The following KLHDC1 variants were observed in gnomAD, a reference collection of about 807,000 sequenced individuals.
The protein encoded by KLHDC1 is kelch domain containing 1.
A neutral mutation model predicts 68.3 loss-of-function variants in KLHDC1; 53 were observed. That is an observed-to-expected ratio of 0.78 (90% CI 0.62 to 0.98). The LOEUF (loss-of-function observed/expected upper bound fraction) is 0.98, where lower values mean the gene tolerates loss of function less well. KLHDC1 is among the 50% of genes least tolerant of loss of function. KLHDC1 has a pLI of 0.00. For missense variants in KLHDC1, 470 were observed against 492.3 expected (o/e 0.95, Z 0.43); for synonymous variants, 148 against 159.0 (o/e 0.93, Z 0.52).
chr14:49,696,246 A>G (rs892702045), intron 1 of KLHDC1, among the ~76,000 whole-genome samples: 1 of 148,724 alleles, frequency 6.7e-6, no homozygotes, highest in African/African-American at 2.5e-5. Flanking sequence ...GTCTTAGCTC[A>G]CTGCAACCTC....
chr14:49,709,134 A>T (rs759830781), intron 1 of KLHDC1, 25 bp from the exon 2 acceptor site: 1 of 988,784 alleles, frequency 1.0e-6, no homozygotes, highest in East Asian at 2.6e-5. Context: ...TGATAAACAT[A>T]ATTTTATGTA....
intron 10 of KLHDC1, among the ~76,000 whole-genome samples, chr14:49,737,990 A>G (rs1303689298): frequency 1.3e-5 from 2 of 152,076 alleles, no homozygotes; most frequent in Non-Finnish European, 2.9e-5. Flanking sequence ...TTACTCTGGA[A>G]ATATTCAACT....
chr14:49,700,202 T>G (rs557116830), intron 1 of KLHDC1: 222 of 199,204 alleles, frequency 1.1e-3, no homozygotes, highest in Non-Finnish European at 1.9e-3. Flanking sequence ...AATTACTGTA[T>G]TTTTAGTAGA....
intron 1 of KLHDC1, among the ~76,000 whole-genome samples, chr14:49,704,243 A>T (rs1439332016): frequency 6.6e-6 from 1 of 152,098 alleles, no homozygotes; most frequent in Non-Finnish European, 1.5e-5. Context: ...CTTTTGTAAA[A>T]ATGCTGGCTC....
At chr14:49,736,179 T>A (rs1397970587) in intron 10 of KLHDC1, among the ~76,000 whole-genome samples, 2 of 152,210 alleles carry the variant, frequency 1.3e-5, no homozygotes, top group Non-Finnish European at 2.9e-5. Context: ...TATTTTATAT[T>A]TCAACCCTTA....
intron 1 of KLHDC1, among the ~76,000 whole-genome samples, chr14:49,703,344 A>ATTT (rs201926678): frequency 4.2e-5 from 6 of 141,894 alleles, no homozygotes; most frequent in African/African-American, 1.5e-4. Flanking sequence ...TCTTTCATGA[A>ATTT]TTTTTTTTTT....
At chr14:49,744,519 C>T (rs1889146333) in intron 12 of KLHDC1, among the ~76,000 whole-genome samples, 1 of 151,948 alleles carries the variant, frequency 6.6e-6, no homozygotes, top group African/African-American at 2.4e-5. Flanking sequence ...TTGTGGGGAT[C>T]GGTTCCAGGA....
At chr14:49,698,960 C>T (rs1207975674) in intron 1 of KLHDC1, among the ~76,000 whole-genome samples, 6 of 151,406 alleles carry the variant, frequency 4.0e-5, no homozygotes, top group African/African-American at 1.2e-4. Flanking sequence ...GGCAGGAGAT[C>T]GAGACCATCC....
At chr14:49,698,555 G>A (rs534010230) in intron 1 of KLHDC1, among the ~76,000 whole-genome samples, 86 of 150,422 alleles carry the variant, frequency 5.7e-4, no homozygotes, top group Non-Finnish European at 9.2e-4. Flanking sequence ...TCTCTCTGTT[G>A]CCCAGGCTGG....
chr14:49,739,878 A>G (rs367983444), intron 10 of KLHDC1, among the ~76,000 whole-genome samples: 1 of 152,224 alleles, frequency 6.6e-6, no homozygotes, highest in African/African-American at 2.4e-5. Flanking sequence ...TAAAAAACAA[A>G]AACAAAAAAC....
chr14:49,727,038 A>G (rs1888687969), intron 6 of KLHDC1, among the ~76,000 whole-genome samples: 1 of 151,376 alleles, frequency 6.6e-6, no homozygotes. Flanking sequence ...TGAGCTCAGA[A>G]GTTCGAGACC....
At chr14:49,697,925 A>G (rs1887789839) in intron 1 of KLHDC1, among the ~76,000 whole-genome samples, 1 of 152,222 alleles carries the variant, frequency 6.6e-6, no homozygotes, top group Non-Finnish European at 1.5e-5. Context: ...AGCAGATACC[A>G]ACAGACGTGT....
intron 4 of KLHDC1, among the ~76,000 whole-genome samples, chr14:49,715,781 T>TATATATATATAA (rs1459814199): frequency 7.1e-6 from 1 of 141,038 alleles, no homozygotes; most frequent in African/African-American, 2.6e-5. Context: ...TATATATATA[T>TATATATATATAA]AATAAAAGAT....
chr14:49,713,916 G>A (rs1302381490), intron 4 of KLHDC1, among the ~76,000 whole-genome samples: 4 of 138,442 alleles, frequency 2.9e-5, no homozygotes, highest in Non-Finnish European at 6.1e-5. Context: ...ACAGTGGCAC[G>A]ATCTTGGCTC....
Position 49,734,671 on chromosome 14 carries a change from G to T in KLHDC1, c.896+10G>T. ...CTAAAACAAGACCTAGGTAAGTCAA[G>T]AAATTGACAAATAGTAAAATAGTTA... On this transcript the variant is annotated intron_variant, in intron 10 of 12. Coordinates refer to ENST00000359332, the MANE Select transcript of KLHDC1 (RefSeq NM_172193.3). 1 of 1,472,828 alleles carries T rather than the reference G, an allele frequency of 6.8e-7. No individual in the cohort carries two copies. Among genetic ancestry groups the T allele is most frequent in the Non-Finnish European group, 9.4e-7 (1 of 1,064,520 alleles). The allele number at this position is 1,472,828 out of a possible 1,614,324, so 91.2% of individuals were successfully genotyped here. A position where few individuals can be genotyped will look rare whatever the true frequency, so the allele number is the denominator to read the frequency against.
intron 1 of KLHDC1, among the ~76,000 whole-genome samples, chr14:49,696,152 T>G (rs1250078019): frequency 1.3e-5 from 2 of 151,880 alleles, no homozygotes; most frequent in Non-Finnish European, 2.9e-5. Context: ...TTGCTGCAGG[T>G]TCTACATGAG....
chr14:49,707,700 G>T (rs1400138009), intron 1 of KLHDC1: 1 of 142,422 alleles, frequency 7.0e-6, no homozygotes, highest in African/African-American at 2.7e-5. Context: ...GCCCAGGCTG[G>T]AGTGCAGTGG....
At chr14:49,731,502 T>C (rs1888808521) in intron 8 of KLHDC1, among the ~76,000 whole-genome samples, 1 of 151,950 alleles carries the variant, frequency 6.6e-6, no homozygotes, top group African/African-American at 2.4e-5. Context: ...GGAGTTTCGC[T>C]CTTGTTGCCC....
intron 1 of KLHDC1, among the ~76,000 whole-genome samples, chr14:49,701,474 A>C (rs1887903287): frequency 6.6e-6 from 1 of 152,058 alleles, no homozygotes; most frequent in Non-Finnish European, 1.5e-5. Context: ...AGCCTGACCA[A>C]CATGGTGAAA....
Sources: allele counts gnomAD v4.1 joint callset (sites outside exome capture counted in the v4.1 genomes callset), GRCh38; gene constraint gnomAD v4.1.1; transcripts MANE v1.5; gene names NCBI Gene and HGNC (gene_info 2026-07-23, HGNC 2026-07-21).